The following CSMD1 variants were observed in gnomAD, a reference collection of about 807,000 sequenced individuals.
CSMD1 encodes CUB and sushi domain-containing protein 1.
CSMD1 carries 213 observed loss-of-function variants against 417.5 expected under a neutral mutation model. The observed-to-expected ratio is 0.51, with a 90% CI of 0.46 to 0.57. CSMD1 has a LOEUF of 0.57. Among genes scored for constraint, CSMD1 ranks in the 20% least tolerant of loss-of-function variants. The pLI is 0.00. For synonymous variants in CSMD1, 2,862 were observed against 1,736.8 expected (o/e 1.65, Z -16.11); for missense variants, 6,923 against 4,529.7 (o/e 1.53, Z -15.17).
intron 54 of CSMD1, among the ~76,000 whole-genome samples, chr8:2,994,505 C>T (rs1806702402): frequency 1.3e-5 from 2 of 152,160 alleles, no homozygotes; most frequent in South Asian, 2.1e-4. Context: ...CACACGCCAT[C>T]GTGCCCACTC....
rs981242642 is a variant in CSMD1, at chr8:4,876,782, G to A, written c.85+117550C>T. 3.3e-5 allele frequency among the ~76,000 whole-genome samples: 5 copies of A among 152,004 alleles called. No individual in the cohort carries two copies. In the South Asian group the frequency reaches 8.3e-4, roughly 25 times the overall value. ...ATCTGGAGTCATTTCTCAGTTTTTTGGGGGTGTTTTATTTTTCCTTCTCAG... is the reference window on the plus strand; with the variant it reads ...ATCTGGAGTCATTTCTCAGTTTTTTAGGGGTGTTTTATTTTTCCTTCTCAG... On this transcript the variant is annotated intron_variant, in intron 1 of 69. Transcript: ENST00000635120.
chr8:3,454,299 T>C (rs929175225), intron 12 of CSMD1, among the ~76,000 whole-genome samples: 3 of 152,214 alleles, frequency 2.0e-5, no homozygotes, highest in African/African-American at 7.2e-5. Context: ...ATTGGAGCAT[T>C]TGGCCCATTT....
chr8:4,990,134 G>C (rs1277107364), intron 1 of CSMD1, among the ~76,000 whole-genome samples: 1 of 152,204 alleles, frequency 6.6e-6, no homozygotes, highest in Admixed American at 6.5e-5. Flanking sequence ...CTCTGGACTT[G>C]TTTGATGAGA....
chr8:3,546,450 C>G (rs1226575394), intron 10 of CSMD1, among the ~76,000 whole-genome samples: 1 of 151,828 alleles, frequency 6.6e-6, no homozygotes, highest in African/African-American at 2.4e-5. Context: ...GCAGGAGAAT[C>G]TCTTGAACCA....
intron 2 of CSMD1, among the ~76,000 whole-genome samples, chr8:4,425,028 A>C (rs1288885020): frequency 1.3e-5 from 2 of 152,122 alleles, no homozygotes; most frequent in Non-Finnish European, 2.9e-5. Flanking sequence ...TTCTAAAAGT[A>C]AGTTGAACAA....
At chr8:3,938,674 A>G (rs998233253) in intron 5 of CSMD1, among the ~76,000 whole-genome samples, 1 of 152,192 alleles carries the variant, frequency 6.6e-6, no homozygotes, top group Admixed American at 6.6e-5. Context: ...TCTGTTAATT[A>G]CTTTGAATGG....
At chr8:3,894,191 T>C (rs193032180) in intron 5 of CSMD1, among the ~76,000 whole-genome samples, 1 of 152,188 alleles carries the variant, frequency 6.6e-6, no homozygotes, top group East Asian at 1.9e-4. Context: ...GTCTTTTGTT[T>C]GAATTGTTCT....
chr8:4,663,755 T>A (rs995498480), intron 1 of CSMD1, among the ~76,000 whole-genome samples: 4 of 152,170 alleles, frequency 2.6e-5, no homozygotes, highest in Non-Finnish European at 4.4e-5. Context: ...GGTAGTTCTT[T>A]AAAGTAACGT....
intron 5 of CSMD1, among the ~76,000 whole-genome samples, chr8:3,924,288 T>A (rs1809485406): frequency 6.6e-6 from 1 of 152,202 alleles, no homozygotes. Context: ...GCTTTCCTCT[T>A]GATGCTTTCA....
At chr8:3,299,740 C>A (rs1217708421) in intron 25 of CSMD1, among the ~76,000 whole-genome samples, 4 of 152,132 alleles carry the variant, frequency 2.6e-5, no homozygotes, top group Non-Finnish European at 5.9e-5. Context: ...CAAATGTATT[C>A]ACATGTCAAA....
intron 5 of CSMD1, among the ~76,000 whole-genome samples, chr8:3,821,623 A>G (rs896300567): frequency 2.0e-5 from 3 of 152,128 alleles, no homozygotes; most frequent in Non-Finnish European, 4.4e-5. Context: ...CTCTACTAAT[A>G]ATACAAAAAT....
At chr8:4,363,534 A>G (rs962181988) in intron 3 of CSMD1, among the ~76,000 whole-genome samples, 10 of 152,298 alleles carry the variant, frequency 6.6e-5, no homozygotes, top group Admixed American at 1.3e-4. Context: ...AAGAAGAGCA[A>G]TAACTCCCTC....
chr8:3,068,607 G>A (rs936853750), intron 49 of CSMD1, among the ~76,000 whole-genome samples: 3 of 152,222 alleles, frequency 2.0e-5, no homozygotes, highest in East Asian at 3.9e-4. Flanking sequence ...GCTGGCATCT[G>A]CTTGGCTTCT....
Position 4,337,551 on chromosome 8 carries a change from C to T in CSMD1, c.415+82402G>A, listed in dbSNP as rs1029939012. ...ACATTATTTTTAAAAATAAACTCAG[C>T]GATGAAGTACATGTGAGGCATATCA... On this transcript the variant is annotated intron_variant, in intron 3 of 69. Coordinates refer to ENST00000635120, the MANE Select transcript of CSMD1 (RefSeq NM_033225.6). 9.9e-5 allele frequency among the ~76,000 whole-genome samples: 15 copies of T among 152,136 alleles called. No homozygotes were observed. The South Asian group carries it at 1.0e-3, about 11-fold the overall frequency.
chr8:4,871,808 T>C (rs1585242019), intron 1 of CSMD1, among the ~76,000 whole-genome samples: 1 of 152,122 alleles, frequency 6.6e-6, no homozygotes, highest in Non-Finnish European at 1.5e-5. Flanking sequence ...TTGAAAAACC[T>C]TTCCAGTAAC....
chr8:4,413,329 T>C (rs1179027518), intron 3 of CSMD1, among the ~76,000 whole-genome samples: 1 of 152,166 alleles, frequency 6.6e-6, no homozygotes, highest in Non-Finnish European at 1.5e-5. Flanking sequence ...CTCGTGGGGC[T>C]GCCCAAACCA....
intron 5 of CSMD1, among the ~76,000 whole-genome samples, chr8:3,881,435 G>C (rs979285807): frequency 2.7e-4 from 41 of 151,508 alleles, no homozygotes; most frequent in African/African-American, 7.5e-4. Flanking sequence ...GGAGTTCAAA[G>C]ACCAGCCTGG....
rs560260868 is a variant in CSMD1, at chr8:2,984,751, T to A, written c.8378-5951A>T. Among the ~76,000 whole-genome samples, 3 of 152,346 alleles carry A rather than the reference T, an allele frequency of 2.0e-5. No homozygotes were observed. The South Asian group carries it at 6.2e-4, about 32-fold the overall frequency. On this transcript the variant is annotated intron_variant, in intron 54 of 69. Transcript: ENST00000635120. ...AATTTTGGGTCTAGGAAGTCAGGAA[T>A]CCCAACAAGCCCAGCATCCCGTGCA...
intron 3 of CSMD1, among the ~76,000 whole-genome samples, chr8:4,389,025 A>G (rs1441610062): frequency 6.6e-6 from 1 of 152,196 alleles, no homozygotes; most frequent in Non-Finnish European, 1.5e-5. Context: ...ACCAGCATTA[A>G]GTAAGCATGC....
Sources: gnomAD v4.1 joint callset for allele counts (sites outside exome capture counted in the v4.1 genomes callset) on GRCh38, gnomAD v4.1.1 for gene constraint, MANE v1.5 for transcripts, NCBI Gene and HGNC (gene_info 2026-07-23, HGNC 2026-07-21) for gene names.